EXOC2: variants seen among roughly 807,000 people sequenced by gnomAD.
The protein encoded by EXOC2 is exocyst complex component 2.
Under a neutral mutation model 131.8 loss-of-function variants are expected in EXOC2, and 70 were observed. The ratio of observed to expected loss-of-function variants is 0.53; its 90% CI spans 0.44 to 0.65. The LOEUF (loss-of-function observed/expected upper bound fraction) is 0.65, where lower values mean the gene tolerates loss of function less well. Ranked by LOEUF, EXOC2 falls within the 30% of genes least tolerant of loss-of-function variation. The probability of loss-of-function intolerance (pLI) is 0.00; values close to 1 mark genes in which losing one functional copy is unlikely to be tolerated. For synonymous variants in EXOC2, 411 were observed against 398.4 expected (o/e 1.03, Z -0.38); for missense variants, 923 against 1,108.6 (o/e 0.83, Z 2.38).
chr6:493,540 T>C (rs1370912037), intron 25 of EXOC2, among the ~76,000 whole-genome samples: 1 of 152,222 alleles, frequency 6.6e-6, no homozygotes, highest in Non-Finnish European at 1.5e-5. Flanking sequence ...GTTAGCTATA[T>C]AATACCTACA....
intron 1 of EXOC2, among the ~76,000 whole-genome samples, chr6:677,973 G>C (rs115139736): frequency 7.0e-6 from 1 of 143,568 alleles, no homozygotes; most frequent in African/African-American, 2.6e-5. Context: ...CACTCTTCAC[G>C]TTGTCACTCA....
intron 13 of EXOC2, among the ~76,000 whole-genome samples, chr6:565,992 C>T (rs944472101): frequency 4.6e-5 from 7 of 152,192 alleles, no homozygotes; most frequent in African/African-American, 1.2e-4. Flanking sequence ...AGCACATACA[C>T]AGACCAACAT....
chr6:598,023 T>C lies in EXOC2; in HGVS notation c.1071A>G (p.Ile357Met). The change falls in exon 10 of 28, where the codon ATA becomes ATG. Residue 357 changes from isoleucine (I) to methionine (M), a missense_variant and splice_region_variant. Ile to Met is a conservative substitution (Grantham distance 10). Transcript: ENST00000230449. ...CAAAATGTTTGCAGAAGATTTACCTTATGTAACGTTTTTGGTCATGTAAAG... is the reference window on the plus strand; with the variant it reads ...CAAAATGTTTGCAGAAGATTTACCTCATGTAACGTTTTTGGTCATGTAAAG... ...PSTLHDQKRY[I>M]RYLSDLHASG... The C allele has an allele frequency of 6.2e-7, 1 of 1,609,128 alleles. No individual in the cohort carries two copies. Among genetic ancestry groups the C allele is most frequent in the Non-Finnish European group, 8.5e-7 (1 of 1,175,902 alleles).
chr6:627,628 C>T (rs969224001), intron 4 of EXOC2, among the ~76,000 whole-genome samples: 8 of 152,152 alleles, frequency 5.3e-5, no homozygotes, highest in Non-Finnish European at 8.8e-5. Context: ...TCCTCCGAGA[C>T]GGAGTGACGG....
rs536107947 is a variant in EXOC2, at chr6:530,879, A to G, written c.2380+1590T>C. ...GCATATACAAACTTTCTTCCTTGTC[A>G]TGACTCCCTAAATGATACAGTTTAA... is the stretch of plus-strand genomic sequence containing the variant. On this transcript the variant is annotated intron_variant, in intron 23 of 27. Transcript: ENST00000230449. Among the ~76,000 whole-genome samples the G allele has an allele frequency of 2.0e-5, 3 of 152,362 alleles. No individual in the cohort carries two copies. The East Asian group carries it at 5.8e-4, about 29-fold the overall frequency.
chr6:651,315 G>A (rs1299977433), intron 1 of EXOC2, among the ~76,000 whole-genome samples: 2 of 152,190 alleles, frequency 1.3e-5, no homozygotes, highest in Non-Finnish European at 1.5e-5. Context: ...TTACAGGCGT[G>A]AGCCACCGCG....
intron 15 of EXOC2, 143 bp downstream of exon 15, chr6:564,402 C>T (rs1757858847): frequency 1.6e-6 from 2 of 1,239,728 alleles, no homozygotes; most frequent in African/African-American, 1.5e-5. Flanking sequence ...GCTTAGCTGT[C>T]AGATGATGAA....
chr6:502,767 A>C (rs1424551419), intron 23 of EXOC2, among the ~76,000 whole-genome samples: 2 of 152,236 alleles, frequency 1.3e-5, no homozygotes, highest in Non-Finnish European at 2.9e-5. Context: ...TGGACAAGAA[A>C]GAACTTTTGT....
chr6:683,011 G>A (rs370294135), intron 1 of EXOC2, among the ~76,000 whole-genome samples: 3 of 152,316 alleles, frequency 2.0e-5, no homozygotes, highest in African/African-American at 7.2e-5. Context: ...ACACCAGGGC[G>A]AGGAGTGAAA....
chr6:495,634 C>T (rs1331691419), intron 25 of EXOC2, among the ~76,000 whole-genome samples: 1 of 152,176 alleles, frequency 6.6e-6, no homozygotes, highest in Non-Finnish European at 1.5e-5. Context: ...TAAGCAGTTG[C>T]TGCATCGCGT....
chr6:524,363 GAAATA>G (rs1765634757), intron 23 of EXOC2: 1 of 151,762 alleles, frequency 6.6e-6, no homozygotes, highest in South Asian at 2.1e-4. Flanking sequence ...AAAGGAAAAT[GAAATA>G]AAATAAAAAT....
intron 23 of EXOC2, among the ~76,000 whole-genome samples, chr6:511,145 GA>G (rs920712699): frequency 1.9e-4 from 29 of 152,198 alleles, no homozygotes; most frequent in Admixed American, 4.6e-4. Context: ...TGAATGCTGG[GA>G]AGGGTTCCTG....
intron 7 of EXOC2, among the ~76,000 whole-genome samples, chr6:608,455 C>G (rs1760540711): frequency 6.6e-6 from 1 of 152,088 alleles, no homozygotes; most frequent in Admixed American, 6.5e-5. Context: ...AGCAAAAAGT[C>G]CTGACGAATG....
At chr6:600,563 C>T (rs1760074499) in intron 7 of EXOC2, among the ~76,000 whole-genome samples, 1 of 152,076 alleles carries the variant, frequency 6.6e-6, no homozygotes, top group Non-Finnish European at 1.5e-5. Flanking sequence ...TCACCAAGCA[C>T]TGTTGTTTTA....
intron 11 of EXOC2, 86 bp from the exon 12 acceptor site, chr6:576,968 G>A: frequency 8.1e-7 from 1 of 1,227,544 alleles, no homozygotes; most frequent in Non-Finnish European, 1.1e-6. Context: ...CTTCTCTGAG[G>A]CTATTTCTTG....
chr6:626,749 G>A (rs1285542802), intron 4 of EXOC2, among the ~76,000 whole-genome samples: 4 of 151,922 alleles, frequency 2.6e-5, no homozygotes, highest in African/African-American at 9.7e-5. Context: ...CTGCCACCAC[G>A]CCCAGCTAAT....
chr6:573,215 T>C (rs565048295), intron 12 of EXOC2, among the ~76,000 whole-genome samples: 2 of 152,324 alleles, frequency 1.3e-5, no homozygotes, highest in South Asian at 2.1e-4. Flanking sequence ...CGTTGAAACC[T>C]CTTTGGCTAT....
intron 6 of EXOC2, among the ~76,000 whole-genome samples, chr6:611,713 T>C (rs1760724082): frequency 6.6e-6 from 1 of 152,240 alleles, no homozygotes; most frequent in South Asian, 2.1e-4. Flanking sequence ...TTTTATTTTC[T>C]CTGAAAACAT....
At chr6:572,760 G>C in intron 12 of EXOC2, 116 bp from the exon 13 acceptor site, 1 of 1,308,452 alleles carries the variant, frequency 7.6e-7, no homozygotes, top group African/African-American at 1.5e-5. Context: ...ACTAGGAATA[G>C]CCTGAGTCTG....
Sources: allele counts gnomAD v4.1 joint callset (sites outside exome capture counted in the v4.1 genomes callset), GRCh38; gene constraint gnomAD v4.1.1; transcripts MANE v1.5; gene names NCBI Gene and HGNC (gene_info 2026-07-23, HGNC 2026-07-21).